ULK4: variants seen among roughly 807,000 people sequenced by gnomAD.
ULK4 encodes inactive serine/threonine-protein kinase ULK4.
In ULK4, 133 loss-of-function variants were observed where a neutral mutation model predicts 160.6. That is an observed-to-expected ratio of 0.83 (90% CI 0.72 to 0.96). ULK4 has a LOEUF of 0.96. Ranked by LOEUF, ULK4 falls within the 40% of genes least tolerant of loss-of-function variation. ULK4 has a pLI of 0.00. For synonymous variants in ULK4, 534 were observed against 539.8 expected (o/e 0.99, Z 0.15); for missense variants, 1,580 against 1,499.5 (o/e 1.05, Z -0.89).
At chr3:41,393,878 G>C (rs1169120474) in intron 35 of ULK4, among the ~76,000 whole-genome samples, 3 of 152,102 alleles carry the variant, frequency 2.0e-5, no homozygotes, top group Non-Finnish European at 4.4e-5. Context: ...GGATGGGCTG[G>C]AGCAATCCAA....
intron 35 of ULK4, among the ~76,000 whole-genome samples, chr3:41,354,431 G>T (rs898912337): frequency 2.0e-5 from 3 of 152,100 alleles, no homozygotes; most frequent in African/African-American, 7.2e-5. Context: ...AAGCCTCTCT[G>T]GCTGTTTCAG....
chr3:41,472,808 G>A (rs983239782), intron 32 of ULK4, among the ~76,000 whole-genome samples: 2 of 151,956 alleles, frequency 1.3e-5, no homozygotes, highest in Non-Finnish European at 2.9e-5. Flanking sequence ...AGCCAGACAA[G>A]GATATCACAA....
At position 41,426,441 on chromosome 3, in the gene ULK4, C is replaced by G. The variant is rs990378684; in HGVS notation, c.3493-28177G>C. 4.6e-5 allele frequency among the ~76,000 whole-genome samples: 7 copies of G among 152,180 alleles called. No homozygotes were observed. In the South Asian group the frequency reaches 1.4e-3, roughly 31 times the overall value. On this transcript the variant is annotated intron_variant, in intron 34 of 36. Transcript: ENST00000301831. ...ATGGATTTGACAGATATCTACAGAACTCTCCCGGACAAACAACAGAATATA... is the reference window on the plus strand; with the variant it reads ...ATGGATTTGACAGATATCTACAGAAGTCTCCCGGACAAACAACAGAATATA...
In ULK4 at chr3:41,736,362, T is replaced by C. The variant is rs1030607823; in HGVS notation, c.2321+17999A>G. The stretch of plus-strand genomic sequence containing the variant: ...ATCCTCTCCAGCACCTGTTGTTCCC[T>C]GACTTTTTAATGATTGCCATTCTAA... On this transcript the variant is annotated intron_variant, in intron 22 of 36. Coordinates refer to ENST00000301831, the MANE Select transcript of ULK4 (RefSeq NM_017886.4). Among the ~76,000 whole-genome samples the C allele has an allele frequency of 3.6e-4, 55 of 151,460 alleles. 1 individual carries two copies. Among genetic ancestry groups the C allele is most frequent in the Non-Finnish European group, 6.6e-4 (45 of 68,036 alleles).
intron 12 of ULK4, among the ~76,000 whole-genome samples, chr3:41,905,063 G>A (rs1438270934): frequency 1.3e-5 from 2 of 152,166 alleles, no homozygotes; most frequent in Non-Finnish European, 2.9e-5. Flanking sequence ...TTTTTTTGGA[G>A]GATTCATACT....
intron 19 of ULK4, among the ~76,000 whole-genome samples, chr3:41,809,597 T>C (rs562030042): frequency 6.6e-6 from 1 of 152,180 alleles, no homozygotes; most frequent in Non-Finnish European, 1.5e-5. Flanking sequence ...TGATTCAAAG[T>C]GTGTCTCCTC....
In ULK4 at chr3:41,743,178, T is replaced by C. The variant is rs1214493019; in HGVS notation, c.2321+11183A>G. On this transcript the variant is annotated intron_variant, in intron 22 of 36. Transcript: ENST00000301831. Reference sequence around the variant, plus strand: ...AACCCACACCAAAGATATATCACAATTAAACTTCTAACTCCTAAAAGCAAA... The same window carrying C: ...AACCCACACCAAAGATATATCACAACTAAACTTCTAACTCCTAAAAGCAAA... Among the ~76,000 whole-genome samples, 2 of 151,794 alleles carry C rather than the reference T, an allele frequency of 1.3e-5. 1 individual carries two copies. Among genetic ancestry groups the C allele is most frequent in the African/African-American group, 4.9e-5 (2 of 41,164 alleles).
chr3:41,537,236 T>C (rs1172912023), intron 32 of ULK4, among the ~76,000 whole-genome samples: 1 of 150,002 alleles, frequency 6.7e-6, no homozygotes, highest in Admixed American at 6.7e-5. Context: ...ATTTCCTTGA[T>C]TGCTCTGCTG....
At chr3:41,525,256 G>A (rs2086073419) in intron 32 of ULK4, among the ~76,000 whole-genome samples, 2 of 152,178 alleles carry the variant, frequency 1.3e-5, no homozygotes, top group South Asian at 4.1e-4. Flanking sequence ...AGAAAGGGAA[G>A]CAGGACAGCA....
intron 34 of ULK4, among the ~76,000 whole-genome samples, chr3:41,446,034 A>G (rs911762962): frequency 6.6e-6 from 1 of 152,120 alleles, no homozygotes; most frequent in Non-Finnish European, 1.5e-5. Context: ...ACAAGAAAAA[A>G]ACAAACAACC....
intron 18 of ULK4, among the ~76,000 whole-genome samples, chr3:41,827,613 T>C (rs2041408088): frequency 6.6e-6 from 1 of 152,030 alleles, no homozygotes; most frequent in South Asian, 2.1e-4. Context: ...AAGTTGAATC[T>C]CTGAATAGAC....
intron 18 of ULK4, among the ~76,000 whole-genome samples, chr3:41,822,636 C>G (rs1217210315): frequency 6.6e-6 from 1 of 150,416 alleles, no homozygotes; most frequent in Non-Finnish European, 1.5e-5. Flanking sequence ...CCAGGCTCGT[C>G]TCAAACTCCT....
chr3:41,398,219 G>A lies in ULK4; in HGVS notation c.3538C>T (p.Leu1180=). 6.2e-7 allele frequency: 1 copy of A among 1,612,364 alleles called. No individual in the cohort carries two copies. The highest frequency in any genetic ancestry group is 8.5e-7 in the Non-Finnish European group (1 of 1,179,422). Reference sequence around the variant, plus strand: ...CCATACAGCTGAACCAGTATAGACAGGCACTTGGATGAAACATCAAAAATC... The same window carrying A: ...CCATACAGCTGAACCAGTATAGACAAGCACTTGGATGAAACATCAAAAATC... ...PEIFDVSSKC[L]SILVQLYGGE... is the part of the protein sequence containing the mutation. Residue 1180 remains leucine, a synonymous_variant, in exon 35 of 37, where the codon CTG becomes TTG. Transcript: ENST00000301831.
At chr3:41,503,833 T>C (rs1333390861) in intron 32 of ULK4, among the ~76,000 whole-genome samples, 2 of 152,182 alleles carry the variant, frequency 1.3e-5, no homozygotes, top group Non-Finnish European at 2.9e-5. Context: ...TACTCATGTA[T>C]GTAAATATAT....
intron 19 of ULK4, among the ~76,000 whole-genome samples, chr3:41,813,861 T>C (rs767997608): frequency 1.3e-5 from 2 of 152,242 alleles, no homozygotes; most frequent in Non-Finnish European, 1.5e-5. Flanking sequence ...AATCTCACTA[T>C]GAATCTAATA....
intron 35 of ULK4, among the ~76,000 whole-genome samples, chr3:41,281,027 C>A (rs1000390360): frequency 5.3e-5 from 8 of 152,150 alleles, no homozygotes; most frequent in Non-Finnish European, 1.2e-4. Context: ...ACTATAAACA[C>A]GTCTATGCAA....
At chr3:41,511,433 T>C (rs1294932372) in intron 32 of ULK4, among the ~76,000 whole-genome samples, 2 of 151,898 alleles carry the variant, frequency 1.3e-5, no homozygotes. Context: ...CCAAATAAGA[T>C]CTATTAGAAA....
chr3:41,666,365 T>A (rs769384222), intron 29 of ULK4, among the ~76,000 whole-genome samples: 14 of 152,176 alleles, frequency 9.2e-5, no homozygotes, highest in Non-Finnish European at 1.6e-4. Flanking sequence ...TAGGAAGTTA[T>A]CTCCCAGGTG....
intron 27 of ULK4, among the ~76,000 whole-genome samples, chr3:41,693,549 G>A (rs891482140): frequency 3.9e-5 from 6 of 151,948 alleles, no homozygotes; most frequent in Non-Finnish European, 7.4e-5. Flanking sequence ...AAGGCAAAAT[G>A]CAAAAGAACA....
Sources: allele counts gnomAD v4.1 joint callset (sites outside exome capture counted in the v4.1 genomes callset), GRCh38; gene constraint gnomAD v4.1.1; transcripts MANE v1.5; gene names NCBI Gene and HGNC (gene_info 2026-07-23, HGNC 2026-07-21).